The following DAB1 variants were observed in gnomAD, a reference collection of about 807,000 sequenced individuals.
The protein encoded by DAB1 is disabled homolog 1.
DAB1 carries 15 observed loss-of-function variants against 64.6 expected under a neutral mutation model. The observed-to-expected ratio is 0.23, with a 90% CI of 0.16 to 0.36. DAB1 has a LOEUF of 0.36. DAB1 is among the 10% of genes least tolerant of loss of function. DAB1 has a pLI of 1.00. For missense variants in DAB1, 596 were observed against 706.7 expected (o/e 0.84, Z 1.78); for synonymous variants, 235 against 251.9 (o/e 0.93, Z 0.64).
At chr1:58,216,520 T>C (rs929933118) in intron 4 of DAB1, among the ~76,000 whole-genome samples, 2 of 152,228 alleles carry the variant, frequency 1.3e-5, no homozygotes, top group African/African-American at 4.8e-5. Context: ...AGTAGAATGA[T>C]TTACAACCCT....
chr1:58,263,324 T>C (rs960477306), intron 4 of DAB1, among the ~76,000 whole-genome samples: 1 of 152,244 alleles, frequency 6.6e-6, no homozygotes, highest in Non-Finnish European at 1.5e-5. Flanking sequence ...ATTCTGTATA[T>C]AGAAAAATTC....
intron 6 of DAB1, among the ~76,000 whole-genome samples, chr1:57,689,992 G>A (rs954168058): frequency 2.6e-5 from 4 of 152,028 alleles, no homozygotes; most frequent in Non-Finnish European, 4.4e-5. Flanking sequence ...CCACAAGTAA[G>A]TGATAACACA....
intron 2 of DAB1, among the ~76,000 whole-genome samples, chr1:57,277,170 A>C (rs1172141828): frequency 6.6e-6 from 1 of 152,196 alleles, no homozygotes; most frequent in African/African-American, 2.4e-5. Flanking sequence ...TTGAACTCCA[A>C]CCAGGAAGGT....
At chr1:57,065,851 T>C (rs1346573569) in intron 8 of DAB1, among the ~76,000 whole-genome samples, 1 of 152,110 alleles carries the variant, frequency 6.6e-6, no homozygotes, top group Non-Finnish European at 1.5e-5. Flanking sequence ...ATACATAAAT[T>C]TCTGAGGGTG....
At chr1:57,632,144 G>C (rs923402952) in intron 7 of DAB1, among the ~76,000 whole-genome samples, 4 of 152,192 alleles carry the variant, frequency 2.6e-5, no homozygotes, top group African/African-American at 7.2e-5. Flanking sequence ...AAATATTAGA[G>C]AGTCTCCAAA....
chr1:57,054,470 C>CTT (rs58175883), intron 9 of DAB1, among the ~76,000 whole-genome samples: 1,696 of 69,416 alleles, frequency 0.024, 10 homozygotes, highest in African/African-American at 0.03. Context: ...CAGGAATGTG[C>CTT]TTTTTTTTTT....
At chr1:57,228,265 C>G (rs1667417057) in intron 2 of DAB1, among the ~76,000 whole-genome samples, 1 of 152,030 alleles carries the variant, frequency 6.6e-6, no homozygotes, top group African/African-American at 2.4e-5. Flanking sequence ...ACAAACACAC[C>G]CACACACGTT....
chr1:57,887,264 C>T (rs1644237563), upstream of DAB1, among the ~76,000 whole-genome samples: 1 of 152,192 alleles, frequency 6.6e-6, no homozygotes, highest in South Asian at 2.1e-4. Flanking sequence ...TGCAATTCCT[C>T]ATGGCAATTC....
chr1:57,650,622 T>C (rs1014663192), intron 6 of DAB1, among the ~76,000 whole-genome samples: 3 of 152,202 alleles, frequency 2.0e-5, no homozygotes, highest in African/African-American at 7.2e-5. Context: ...GTGGTCATCT[T>C]TGTAGTATGA....
intron 1 of DAB1, among the ~76,000 whole-genome samples, chr1:57,875,943 C>T (rs1369939935): frequency 1.3e-5 from 2 of 152,154 alleles, no homozygotes; most frequent in Non-Finnish European, 2.9e-5. Flanking sequence ...ATTTTCTGCT[C>T]CACAGACTCA....
At chr1:58,287,034 T>C (rs1473273592) in intron 4 of DAB1, among the ~76,000 whole-genome samples, 1 of 152,150 alleles carries the variant, frequency 6.6e-6, no homozygotes, top group Admixed American at 6.5e-5. Context: ...TAGATGGAGC[T>C]GGAAGCCATT....
chr1:58,059,706 C>T (rs1648370064), intron 5 of DAB1, among the ~76,000 whole-genome samples: 1 of 152,214 alleles, frequency 6.6e-6, no homozygotes, highest in African/African-American at 2.4e-5. Flanking sequence ...TAGCCAAATC[C>T]ACCACATGGA....
At position 58,230,878 on chromosome 1, in the gene DAB1, T is replaced by C. The variant is rs115360714; in HGVS notation, n.310-80290A>G. Among the ~76,000 whole-genome samples, 174 of 152,330 alleles carry C rather than the reference T, an allele frequency of 1.1e-3. 1 individual carries two copies. Among genetic ancestry groups the C allele is most frequent in the African/African-American group, 4.1e-3 (169 of 41,582 alleles). ...CAAGGTAGGAATTACAGCACCATGGTTGGCAGTATGGCATGATGGTTAAGG... is the reference window on the plus strand; with the variant it reads ...CAAGGTAGGAATTACAGCACCATGGCTGGCAGTATGGCATGATGGTTAAGG... On this transcript the variant is annotated intron_variant and non_coding_transcript_variant, in intron 4 of 20. Coordinates refer to the DAB1 transcript ENST00000485760.
chr1:57,390,316 T>C (rs1682241692), intron 1 of DAB1, among the ~76,000 whole-genome samples: 2 of 152,236 alleles, frequency 1.3e-5, no homozygotes, highest in African/African-American at 4.8e-5. Flanking sequence ...AACTTGGACT[T>C]CAATTTCTGC....
chr1:58,455,593 T>C (rs1213397520), intron 3 of DAB1, among the ~76,000 whole-genome samples: 5 of 152,262 alleles, frequency 3.3e-5, no homozygotes, highest in Admixed American at 3.3e-4. Context: ...ATTGACTGTT[T>C]TTCTTTTCTA....
chr1:57,404,752 A>T (rs542444660), intron 1 of DAB1, among the ~76,000 whole-genome samples: 5 of 152,354 alleles, frequency 3.3e-5, no homozygotes, highest in African/African-American at 1.2e-4. Context: ...GTTAATTATG[A>T]ACACTAGAAG....
intron 6 of DAB1, among the ~76,000 whole-genome samples, chr1:57,682,892 C>T (rs1646652845): frequency 6.6e-6 from 1 of 152,132 alleles, no homozygotes; most frequent in African/African-American, 2.4e-5. Flanking sequence ...TTTTGCAGAC[C>T]CTCCTGCCTA....
intron 3 of DAB1, among the ~76,000 whole-genome samples, chr1:58,473,555 AATAAAT>A (rs1557431457): frequency 0.03 from 3,727 of 122,288 alleles, 66 homozygotes; most frequent in Non-Finnish European, 0.035. Context: ...AAAATAAATA[AATAAAT>A]AAATAAATAA....
intron 7 of DAB1, among the ~76,000 whole-genome samples, chr1:57,556,493 T>C (rs772903808): frequency 6.6e-5 from 10 of 152,134 alleles, no homozygotes; most frequent in Non-Finnish European, 1.3e-4. Context: ...AAGGTGGTAT[T>C]ACATTGTGGT....
Sources: allele counts gnomAD v4.1 joint callset (sites outside exome capture counted in the v4.1 genomes callset), GRCh38; gene constraint gnomAD v4.1.1; transcripts MANE v1.5; gene names NCBI Gene and HGNC (gene_info 2026-07-23, HGNC 2026-07-21).